Variants in PRKCA observed in about 807,000 individuals in gnomAD.
PRKCA encodes protein kinase C alpha.
In PRKCA, 27 loss-of-function variants were observed where a neutral mutation model predicts 87.0. The observed-to-expected ratio is 0.31, with a 90% CI of 0.23 to 0.43. PRKCA has a LOEUF of 0.43. PRKCA is among the 20% of genes least tolerant of loss of function. The pLI is 1.00. For synonymous variants in PRKCA, 329 were observed against 311.1 expected (o/e 1.06, Z -0.61); for missense variants, 518 against 852.3 (o/e 0.61, Z 4.88).
At chr17:66,746,758 C>G (rs2144250268) in intron 13 of PRKCA, among the ~76,000 whole-genome samples, 1 of 152,292 alleles carries the variant, frequency 6.6e-6, no homozygotes, top group East Asian at 1.9e-4. Context: ...CTAAAGCTGA[C>G]ACAGAGGGTC....
chr17:66,583,412 C>T (rs1450334337), intron 3 of PRKCA, among the ~76,000 whole-genome samples: 1 of 152,082 alleles, frequency 6.6e-6, no homozygotes, highest in Non-Finnish European at 1.5e-5. Flanking sequence ...AATAGACAAT[C>T]AAGTCTTAAG....
chr17:66,432,447 AGCT>A (rs1258044685), intron 2 of PRKCA, among the ~76,000 whole-genome samples: 1 of 152,122 alleles, frequency 6.6e-6, no homozygotes, highest in Non-Finnish European at 1.5e-5. Context: ...TCTCAGACAA[AGCT>A]TCAGGAGAGA....
At chr17:66,390,550 C>T (rs1299230073) in intron 2 of PRKCA, among the ~76,000 whole-genome samples, 1 of 152,120 alleles carries the variant, frequency 6.6e-6, no homozygotes, top group Non-Finnish European at 1.5e-5. Context: ...CGGTTATTTT[C>T]TGGAAAATGG....
intron 2 of PRKCA, among the ~76,000 whole-genome samples, chr17:66,462,500 T>A (rs1362988049): frequency 1.3e-5 from 2 of 152,226 alleles, no homozygotes; most frequent in Non-Finnish European, 2.9e-5. Flanking sequence ...AGGTACTTAT[T>A]TATTTTTACA....
In PRKCA at chr17:66,645,472, C is replaced by G; in HGVS notation, c.490C>G (p.Leu164Val). The G allele has an allele frequency of 6.2e-7, 1 of 1,614,212 alleles. No homozygotes were observed. Reference protein sequence around the residue: ...DHTEKRGRIYLKAEVADEKLH... With the variant: ...DHTEKRGRIYVKAEVADEKLH... Reference sequence around the variant, plus strand: ...CACTGAGAAGAGGGGGCGGATTTACCTAAAGGCTGAGGTTGCTGATGAAAA... The same window carrying G: ...CACTGAGAAGAGGGGGCGGATTTACGTAAAGGCTGAGGTTGCTGATGAAAA... Residue 164 changes from leucine (L) to valine (V), a missense_variant, in exon 5 of 17, where the codon CTA (leucine) becomes GTA (valine). Physicochemically the swap from Leu to Val is conservative, Grantham distance 32. Transcript: ENST00000413366.
intron 2 of PRKCA, among the ~76,000 whole-genome samples, chr17:66,435,999 C>A (rs1913371015): frequency 6.6e-6 from 1 of 152,150 alleles, no homozygotes; most frequent in South Asian, 2.1e-4. Context: ...GAGGAAACCA[C>A]TGCAGCTTCT....
chr17:66,417,460 C>T (rs1912222171), intron 2 of PRKCA, among the ~76,000 whole-genome samples: 1 of 152,022 alleles, frequency 6.6e-6, no homozygotes, highest in African/African-American at 2.4e-5. Context: ...CTCTGTGGCC[C>T]ATCCATTCCT....
At chr17:66,354,430 G>C (rs942887069) in intron 2 of PRKCA, among the ~76,000 whole-genome samples, 3 of 152,314 alleles carry the variant, frequency 2.0e-5, no homozygotes, top group African/African-American at 7.2e-5. Context: ...TGGATGAATG[G>C]TGGCCATTCT....
intron 5 of PRKCA, among the ~76,000 whole-genome samples, chr17:66,650,300 G>C (rs1373688808): frequency 6.6e-6 from 1 of 152,054 alleles, no homozygotes; most frequent in East Asian, 1.9e-4. Context: ...CTTTGGTGGT[G>C]TATTTTTATT....
At chr17:66,451,675 C>T (rs879417489) in intron 2 of PRKCA, among the ~76,000 whole-genome samples, 4 of 152,046 alleles carry the variant, frequency 2.6e-5, no homozygotes, top group African/African-American at 7.2e-5. Context: ...CGCCCCCTAA[C>T]GGGTGGGTGG....
rs1239479824 is a variant in PRKCA at position 66,806,224 on chromosome 17, T to A, written c.*2187T>A. 2 of 152,298 alleles carry A rather than the reference T, an allele frequency of 1.3e-5. No individual in the cohort carries two copies. The highest frequency in any genetic ancestry group is 4.8e-5 in the African/African-American group (2 of 41,454). 9.4% of individuals were successfully genotyped at this position (152,298 alleles called of 1,614,324 possible). Reference sequence around the variant, plus strand: ...CCCAGCTAAGCTCGCATTATTTTTCTCCTCTGGCTGTTTGCCTGAAGTTCA... The same window carrying A: ...CCCAGCTAAGCTCGCATTATTTTTCACCTCTGGCTGTTTGCCTGAAGTTCA... On this transcript the variant is annotated 3_prime_UTR_variant, in exon 17 of 17. Transcript: ENST00000413366.
intron 3 of PRKCA, among the ~76,000 whole-genome samples, chr17:66,578,299 A>G (rs1231468554): frequency 6.6e-6 from 1 of 152,108 alleles, no homozygotes; most frequent in Non-Finnish European, 1.5e-5. Context: ...GCTTCCGCAC[A>G]TGGTCATGTC....
chr17:66,578,249 G>C (rs575385787), intron 3 of PRKCA, among the ~76,000 whole-genome samples: 5 of 151,660 alleles, frequency 3.3e-5, no homozygotes, highest in African/African-American at 1.2e-4. Context: ...CTGGAAAGAC[G>C]CCTCACCTGC....
chr17:66,441,556 C>T (rs989556084), intron 2 of PRKCA, among the ~76,000 whole-genome samples: 14 of 152,102 alleles, frequency 9.2e-5, no homozygotes, highest in Admixed American at 7.2e-4. Context: ...CATCTTCATA[C>T]GACTCTCGTC....
intron 13 of PRKCA, among the ~76,000 whole-genome samples, chr17:66,755,836 A>G (rs1282669799): frequency 6.6e-6 from 1 of 152,170 alleles, no homozygotes; most frequent in Non-Finnish European, 1.5e-5. Context: ...TTTCCTGACC[A>G]GTGCACCAGC....
chr17:66,512,278 C>T (rs754609090), intron 3 of PRKCA, among the ~76,000 whole-genome samples: 18 of 152,178 alleles, frequency 1.2e-4, no homozygotes, highest in South Asian at 1.0e-3. Context: ...CCCGTCTCTA[C>T]TAAAAATATA....
At chr17:66,305,251 G>T (rs1904753060) in intron 1 of PRKCA, among the ~76,000 whole-genome samples, 1 of 152,158 alleles carries the variant, frequency 6.6e-6, no homozygotes, top group South Asian at 2.1e-4. Context: ...TAAGCGAAAT[G>T]TTTAGAGTTA....
Position 66,804,242 on chromosome 17 carries a change from G to A in PRKCA, c.*205G>A. 1 of 650,212 alleles carries A rather than the reference G, an allele frequency of 1.5e-6. No individual in the cohort carries two copies. Among genetic ancestry groups the A allele is most frequent in the Non-Finnish European group, 2.4e-6 (1 of 412,788 alleles). The allele number at this position is 650,212 out of a possible 1,614,324, so 40.3% of individuals were successfully genotyped here. ...AAGAACATTATCTTAGTGGAAGATG[G>A]TACGTCATGCTCAGTGTCCAGTTTA... On this transcript the variant is annotated 3_prime_UTR_variant, in exon 17 of 17. Transcript: ENST00000413366.
At chr17:66,641,545 T>C (rs546162783) in intron 4 of PRKCA, 79 bp downstream of exon 4, 2 of 994,200 alleles carry the variant, frequency 2.0e-6, no homozygotes, top group East Asian at 2.5e-5. Flanking sequence ...GAAGGCTCAG[T>C]AACTTTTCAA....
Sources: allele counts gnomAD v4.1 joint callset (sites outside exome capture counted in the v4.1 genomes callset), GRCh38; gene constraint gnomAD v4.1.1; transcripts MANE v1.5; gene names NCBI Gene and HGNC (gene_info 2026-07-23, HGNC 2026-07-21).